CLIP2: variants seen among roughly 807,000 people sequenced by gnomAD.
CLIP2 encodes the protein CAP-Gly domain containing linker protein 2, also known as CAP-Gly domain-containing linker protein 2.
A neutral mutation model predicts 111.7 loss-of-function variants in CLIP2; 41 were observed. That is an observed-to-expected ratio of 0.37 (90% CI 0.29 to 0.48). The LOEUF (loss-of-function observed/expected upper bound fraction) is 0.48, where lower values mean the gene tolerates loss of function less well. CLIP2 is among the 20% of genes least tolerant of loss of function. The pLI, the probability that CLIP2 is intolerant of heterozygous loss-of-function variation, is 0.99. For synonymous variants in CLIP2, 660 were observed against 644.2 expected (o/e 1.02, Z -0.37); for missense variants, 1,160 against 1,422.1 (o/e 0.82, Z 2.96).
chr7:74,372,393 C>T (rs1471941801), intron 8 of CLIP2, among the ~76,000 whole-genome samples: 2 of 89,612 alleles, frequency 2.2e-5, no homozygotes, highest in East Asian at 3.6e-4. Flanking sequence ...GCACTTTTAG[C>T]ACAGGCCTTG....
chr7:74,321,729 A>C (rs1788958311), intron 2 of CLIP2, among the ~76,000 whole-genome samples: 1 of 151,448 alleles, frequency 6.6e-6, no homozygotes, highest in African/African-American at 2.4e-5. Flanking sequence ...TGGCCCCCCA[A>C]AGTGCTGGGA....
At chr7:74,357,522 T>C in intron 6 of CLIP2, 45 bp downstream of exon 6, 1 of 1,553,816 alleles carries the variant, frequency 6.4e-7, no homozygotes, top group Non-Finnish European at 8.8e-7. Context: ...CCAGCCAGCC[T>C]CATAGAGTCT....
intron 14 of CLIP2, among the ~76,000 whole-genome samples, chr7:74,399,680 C>T (rs1193077288): frequency 6.6e-6 from 1 of 151,760 alleles, no homozygotes; most frequent in African/African-American, 2.4e-5. Flanking sequence ...GCTGGGACTA[C>T]AGATGTGAGC....
intron 3 of CLIP2, among the ~76,000 whole-genome samples, chr7:74,349,085 G>A (rs1789895368): frequency 6.6e-6 from 1 of 151,772 alleles, no homozygotes; most frequent in African/African-American, 2.4e-5. Flanking sequence ...ACAGATAAAT[G>A]GACAAGCACA....
In CLIP2 at chr7:74,356,436, GTC is replaced by G. The variant is rs1554308477; in HGVS notation, c.834_835del (p.Phe279ArgfsTer90). 6.2e-7 allele frequency: 1 copy of G among 1,614,184 alleles called. No individual in the cohort carries two copies. The highest frequency in any genetic ancestry group is 8.5e-7 in the Non-Finnish European group (1 of 1,180,038). On this transcript the variant is annotated frameshift_variant, in exon 5 of 17. Coordinates refer to ENST00000223398, the MANE Select transcript of CLIP2 (RefSeq NM_003388.5). LOFTEE classifies it high-confidence loss of function. The stretch of plus-strand genomic sequence containing the variant: ...TACTTCCAGTGCCCACCCAAGTTTG[GTC>G]TCTTCGCGCCCATCCACAAAGTGAT...
chr7:74,332,038 C>T (rs1789300994), intron 2 of CLIP2, among the ~76,000 whole-genome samples: 1 of 151,958 alleles, frequency 6.6e-6, no homozygotes, highest in Non-Finnish European at 1.5e-5. Context: ...ATCGGGGTCC[C>T]CTGCTACTGA....
rs1791730295 is a variant in CLIP2 at position 74,404,939 on chromosome 7, G to A, written c.*1091G>A. 3 of 152,132 alleles carry A rather than the reference G, an allele frequency of 2.0e-5. No homozygotes were observed. 9.4% of individuals were successfully genotyped at this position (152,132 alleles called of 1,614,324 possible). ...TGGCAGGACCGTGCCTACAGATACT[G>A]CAAACGTTCCTACAGCCTAGAGGTG... On this transcript the variant is annotated 3_prime_UTR_variant, in exon 17 of 17. Transcript: ENST00000223398.
chr7:74,360,356 G>C, intron 7 of CLIP2, 78 bp downstream of exon 7: 1 of 1,112,472 alleles, frequency 9.0e-7, no homozygotes, highest in South Asian at 1.4e-5. Flanking sequence ...TGGGAATAGC[G>C]GACCCAGGTT....
At chr7:74,317,168 C>T (rs1448779250) in intron 1 of CLIP2, among the ~76,000 whole-genome samples, 1 of 152,120 alleles carries the variant, frequency 6.6e-6, no homozygotes, top group East Asian at 1.9e-4. Context: ...GGAAGGCAGG[C>T]AGAGGTCATG....
intron 2 of CLIP2, among the ~76,000 whole-genome samples, chr7:74,336,124 A>G (rs1404463138): frequency 2.0e-5 from 3 of 148,540 alleles, no homozygotes; most frequent in African/African-American, 5.0e-5. Flanking sequence ...CTGGAGTGCA[A>G]TGGTGCCATC....
At chr7:74,325,199 C>A (rs1789076508) in intron 2 of CLIP2, among the ~76,000 whole-genome samples, 2 of 152,198 alleles carry the variant, frequency 1.3e-5, no homozygotes, top group African/African-American at 4.8e-5. Flanking sequence ...GGCCTGTATC[C>A]TCAGAGCTGT....
At chr7:74,360,331 G>C in intron 7 of CLIP2, 53 bp downstream of exon 7, 1 of 1,388,664 alleles carries the variant, frequency 7.2e-7, no homozygotes, top group Non-Finnish European at 1.0e-6. Context: ...AGGAGGATGA[G>C]GAAGAGGGCA....
chr7:74,386,944 A>G (rs1584384279), intron 12 of CLIP2, among the ~76,000 whole-genome samples: 1 of 148,526 alleles, frequency 6.7e-6, no homozygotes. Context: ...AATCGCTTGA[A>G]CCTGGAAGGC....
rs1554315376 is a variant in CLIP2, at chr7:74,389,263, A to G, written c.2720+4A>G. 1 of 1,583,664 alleles carries G rather than the reference A, an allele frequency of 6.3e-7. No individual in the cohort carries two copies. Among genetic ancestry groups the G allele is most frequent in the Non-Finnish European group, 8.6e-7 (1 of 1,166,524 alleles). ...AGGAGCTGCTGCGGAAGGAGCGGTGAGGCGGCCGTGGGGCCGGCTGGGTCC... is the reference window on the plus strand; with the variant it reads ...AGGAGCTGCTGCGGAAGGAGCGGTGGGGCGGCCGTGGGGCCGGCTGGGTCC... On this transcript the variant is annotated splice_donor_region_variant and intron_variant, in intron 13 of 16. Transcript: ENST00000223398.
chr7:74,359,091 G>A (rs1790238370), intron 6 of CLIP2, among the ~76,000 whole-genome samples: 1 of 151,710 alleles, frequency 6.6e-6, no homozygotes, highest in Non-Finnish European at 1.5e-5. Context: ...AGCGTCCTTA[G>A]TAGCTGGGAC....
chr7:74,336,269 T>C (rs1789454347), intron 2 of CLIP2, among the ~76,000 whole-genome samples: 1 of 152,010 alleles, frequency 6.6e-6, no homozygotes, highest in Non-Finnish European at 1.5e-5. Context: ...GGTTTCCCCA[T>C]GTTGGCCAGG....
intron 11 of CLIP2, among the ~76,000 whole-genome samples, chr7:74,383,298 C>G (rs1294101753): frequency 4.6e-5 from 7 of 152,072 alleles, no homozygotes; most frequent in Non-Finnish European, 1.0e-4. Context: ...TTTTCTCCCC[C>G]CAACCCTCAT....
intron 8 of CLIP2, among the ~76,000 whole-genome samples, chr7:74,372,087 T>C (rs1790641695): frequency 7.2e-5 from 11 of 152,130 alleles, no homozygotes; most frequent in Admixed American, 7.2e-4. Flanking sequence ...CTGCTCCCAA[T>C]GTCCTCACCC....
At chr7:74,353,824 C>T in intron 3 of CLIP2, 56 bp from the exon 4 acceptor site, 1 of 1,613,272 alleles carries the variant, frequency 6.2e-7, no homozygotes, top group Non-Finnish European at 8.5e-7. Flanking sequence ...GTGCCCCTGC[C>T]ATCTCTGCCT....
Sources: allele counts gnomAD v4.1 joint callset (sites outside exome capture counted in the v4.1 genomes callset), GRCh38; gene constraint gnomAD v4.1.1; transcripts MANE v1.5; gene names NCBI Gene and HGNC (gene_info 2026-07-23, HGNC 2026-07-21).